The following TSEN15 variants were observed in gnomAD, a reference collection of about 807,000 sequenced individuals.
TSEN15 encodes tRNA splicing endonuclease subunit 15, also known as tRNA-splicing endonuclease subunit Sen15.
Under a neutral mutation model 20.5 loss-of-function variants are expected in TSEN15, and 10 were observed. That is an observed-to-expected ratio of 0.49 (90% CI 0.30 to 0.83). TSEN15 has a LOEUF of 0.83. TSEN15 is among the 40% of genes least tolerant of loss of function. The probability of loss-of-function intolerance (pLI) is 0.06; values close to 1 mark genes in which losing one functional copy is unlikely to be tolerated. For synonymous variants in TSEN15, 72 were observed against 80.1 expected (o/e 0.90, Z 0.54); for missense variants, 180 against 218.6 (o/e 0.82, Z 1.11).
intron 3 of TSEN15, among the ~76,000 whole-genome samples, chr1:184,087,904 G>A (rs561762103): frequency 6.6e-6 from 1 of 152,168 alleles, no homozygotes; most frequent in Admixed American, 6.5e-5. Flanking sequence ...AAAAGTTTTG[G>A]TTGAGATAGT....
chr1:184,062,977 C>G (rs1157500198), intron 3 of TSEN15, among the ~76,000 whole-genome samples: 1 of 152,090 alleles, frequency 6.6e-6, no homozygotes, highest in Non-Finnish European at 1.5e-5. Context: ...ATCTCCTTTT[C>G]TTTCCCCAAA....
chr1:184,066,799 A>G (rs966753490), intron 3 of TSEN15, among the ~76,000 whole-genome samples: 1 of 152,104 alleles, frequency 6.6e-6, no homozygotes, highest in Non-Finnish European at 1.5e-5. Context: ...TTCCATATCA[A>G]TTTTACAATC....
intron 3 of TSEN15, among the ~76,000 whole-genome samples, chr1:184,060,402 C>T (rs1379446121): frequency 6.6e-6 from 1 of 152,242 alleles, no homozygotes; most frequent in Admixed American, 6.5e-5. Context: ...AAAGCACAAT[C>T]TGCATATCTG....
intron 3 of TSEN15, among the ~76,000 whole-genome samples, chr1:184,060,385 G>A (rs143548566): frequency 5.3e-5 from 8 of 152,220 alleles, no homozygotes; most frequent in East Asian, 1.9e-4. Context: ...GCCAGGCACC[G>A]TTGTGCAAAG....
intron 3 of TSEN15, among the ~76,000 whole-genome samples, chr1:184,066,695 T>C (rs890685461): frequency 2.0e-5 from 3 of 152,168 alleles, no homozygotes; most frequent in African/African-American, 4.8e-5. Flanking sequence ...TGTGAGCCAC[T>C]GTGCCCGGCT....
chr1:184,080,809 C>T (rs965476310), intron 3 of TSEN15, among the ~76,000 whole-genome samples: 4 of 152,118 alleles, frequency 2.6e-5, no homozygotes, highest in African/African-American at 9.7e-5. Flanking sequence ...GATCATTGCA[C>T]CTCAATGAAG....
At chr1:184,053,451 T>C (rs1031733877) in intron 1 of TSEN15, among the ~76,000 whole-genome samples, 6 of 152,240 alleles carry the variant, frequency 3.9e-5, no homozygotes, top group African/African-American at 1.2e-4. Context: ...CTCAAAATTA[T>C]GTTTTGGGTG....
rs551805293 is a variant in TSEN15, at chr1:184,073,463, G to C, written c.*616G>C. 6.6e-6 allele frequency: 1 copy of C among 152,638 alleles called. No individual in the cohort carries two copies. The highest frequency in any genetic ancestry group is 1.9e-4 in the East Asian group (1 of 5,188). The allele number at this position is 152,638 out of a possible 1,614,324, so 9.5% of individuals were successfully genotyped here. A position where few individuals can be genotyped will look rare whatever the true frequency, so the allele number is the denominator to read the frequency against. On this transcript the variant is annotated 3_prime_UTR_variant, in exon 5 of 5. Coordinates refer to ENST00000645668, the MANE Select transcript of TSEN15 (RefSeq NM_052965.4). Reference sequence around the variant, plus strand: ...TAACTTACGTGTCTTAAGTAACAGGGACCAGAGACATGTTACCTACAAGAG... The same window carrying C: ...TAACTTACGTGTCTTAAGTAACAGGCACCAGAGACATGTTACCTACAAGAG...
At chr1:184,077,844 T>A (rs1651092541), downstream of TSEN15, among the ~76,000 whole-genome samples, 1 of 152,168 alleles carries the variant, frequency 6.6e-6, no homozygotes, top group South Asian at 2.1e-4. Context: ...CCTGAACATA[T>A]GAGGAGTTGT....
At chr1:184,094,281 G>A (rs1168358156) in intron 3 of TSEN15, 2 of 152,242 alleles carry the variant, frequency 1.3e-5, no homozygotes, top group Non-Finnish European at 2.9e-5. Context: ...CAGATCCCAT[G>A]CATTCTGTTG....
intron 1 of TSEN15, among the ~76,000 whole-genome samples, chr1:184,052,283 TA>T (rs1352563644): frequency 6.6e-6 from 1 of 152,222 alleles, no homozygotes; most frequent in Non-Finnish European, 1.5e-5. Context: ...TCCATAGTGA[TA>T]AAGATTTAAG....
intron 3 of TSEN15, among the ~76,000 whole-genome samples, chr1:184,093,241 ACG>A (rs1557892306): frequency 2.6e-5 from 4 of 152,190 alleles, no homozygotes; most frequent in African/African-American, 9.6e-5. Context: ...TTTTAAAGTC[ACG>A]AGGCCCAGGT....
At chr1:184,086,562 A>T (rs1651265243) in intron 3 of TSEN15, among the ~76,000 whole-genome samples, 2 of 152,170 alleles carry the variant, frequency 1.3e-5, no homozygotes, top group South Asian at 4.1e-4. Context: ...GGCTTCCATT[A>T]TCTGAAGGCT....
chr1:184,094,831 G>T (rs981091468), intron 3 of TSEN15: 1 of 390,890 alleles, frequency 2.6e-6, no homozygotes, highest in East Asian at 3.6e-5. Flanking sequence ...GGACAGTAGG[G>T]TAGGGGATGA....
downstream of TSEN15, among the ~76,000 whole-genome samples, chr1:184,078,314 A>G (rs983000926): frequency 1.5e-4 from 23 of 152,190 alleles, no homozygotes; most frequent in African/African-American, 5.1e-4. Flanking sequence ...CATATACTAC[A>G]TGTTCGTGTA....
chr1:184,065,982 A>G (rs1952256), intron 3 of TSEN15, among the ~76,000 whole-genome samples: 43,852 of 152,116 alleles, frequency 0.29, 6,966 homozygotes, highest in East Asian at 0.47. Context: ...ATTTTGCAGA[A>G]CAGAAGTTTT....
chr1:184,078,457 A>G (rs1651104173), downstream of TSEN15, among the ~76,000 whole-genome samples: 2 of 152,098 alleles, frequency 1.3e-5, no homozygotes, highest in Admixed American at 1.3e-4. Context: ...ACTTTTCTGT[A>G]AAAGAGGTGC....
chr1:184,073,860 G>A lies in TSEN15; in HGVS notation c.*1013G>A, dbSNP rs953939544. The A allele has an allele frequency of 4.6e-5, 7 of 152,242 alleles. No homozygotes were observed. The highest frequency in any genetic ancestry group is 1.7e-4 in the African/African-American group (7 of 41,546). The allele number at this position is 152,242 out of a possible 1,614,324, so 9.4% of individuals were successfully genotyped here. ...ACATAAACAATACGGGCGTGGCTTT[G>A]TTCCAGTAAAACTTTGTTTACAAAT... On this transcript the variant is annotated 3_prime_UTR_variant, in exon 5 of 5. Coordinates refer to ENST00000645668, the MANE Select transcript of TSEN15 (RefSeq NM_052965.4).
rs538370719 is a variant in TSEN15, at chr1:184,095,268, C to A, written c.354-422C>A. On this transcript the variant is annotated intron_variant, in intron 3 of 3. Coordinates refer to the TSEN15 transcript ENST00000643231. ...TTATGCAGATGAGTGCTCCATAACT[C>A]CACTTCTCTTCAATAAGAAGAAAGA... 9 of 396,216 alleles carry A rather than the reference C, an allele frequency of 2.3e-5. No individual in the cohort carries two copies. The Admixed American group carries it at 4.0e-4, about 17-fold the overall frequency. 24.5% of individuals were successfully genotyped at this position (396,216 alleles called of 1,614,324 possible).
Sources: gnomAD v4.1 joint callset for allele counts (sites outside exome capture counted in the v4.1 genomes callset) on GRCh38, gnomAD v4.1.1 for gene constraint, MANE v1.5 for transcripts, NCBI Gene and HGNC (gene_info 2026-07-23, HGNC 2026-07-21) for gene names.